Variants in STEAP3 observed in about 807,000 individuals in gnomAD.
The protein encoded by STEAP3 is STEAP3 metalloreductase.
STEAP3 carries 35 observed loss-of-function variants against 34.9 expected under a neutral mutation model. The observed-to-expected ratio is 1.00, with a 90% confidence interval of 0.76 to 1.33. The LOEUF is 1.33. Among genes scored for constraint, STEAP3 ranks in the 40% most tolerant of loss-of-function variants. STEAP3 has a pLI of 0.00. For synonymous variants in STEAP3, 281 were observed against 301.6 expected (o/e 0.93, Z 0.71); for missense variants, 652 against 667.6 (o/e 0.98, Z 0.26).
intron 3 of STEAP3, 190 bp downstream of exon 3, chr2:119,246,178 T>C: frequency 2.4e-6 from 2 of 816,954 alleles, no homozygotes; most frequent in Non-Finnish European, 3.7e-6. Context: ...CCATAGCTGG[T>C]AAGTTGGGAT....
intron 5 of STEAP3, among the ~76,000 whole-genome samples, chr2:119,255,886 T>C (rs561999962): frequency 6.6e-6 from 1 of 152,298 alleles, no homozygotes; most frequent in East Asian, 1.9e-4. Flanking sequence ...TGTGATGCAA[T>C]AGAGAACAAG....
chr2:119,236,575 C>T (rs1573545405), intron 2 of STEAP3, among the ~76,000 whole-genome samples: 2 of 152,184 alleles, frequency 1.3e-5, no homozygotes, highest in Admixed American at 6.5e-5. Context: ...ATTGTGGCTT[C>T]AGCTGTGTTA....
intron 1 of STEAP3, among the ~76,000 whole-genome samples, chr2:119,226,714 C>A (rs1679051797): frequency 6.6e-6 from 1 of 152,156 alleles, no homozygotes; most frequent in Non-Finnish European, 1.5e-5. Context: ...TCTTTGTGCT[C>A]CAACCGTCAC....
chr2:119,241,063 C>T (rs971796716), intron 2 of STEAP3, among the ~76,000 whole-genome samples: 2 of 145,794 alleles, frequency 1.4e-5, no homozygotes, highest in East Asian at 1.9e-4. Flanking sequence ...GAATAGGACA[C>T]GTGCACACAC....
At chr2:119,224,229 C>T (rs1370640396) in intron 1 of STEAP3, among the ~76,000 whole-genome samples, 1 of 152,208 alleles carries the variant, frequency 6.6e-6, no homozygotes, top group Non-Finnish European at 1.5e-5. Context: ...TCCACAGGTC[C>T]CGTGTGCCCC....
chr2:119,248,011 G>C lies in STEAP3; in HGVS notation c.855G>C (p.Val285=). Residue 285 remains valine (V), a synonymous_variant, in exon 4 of 6, where the codon GTG becomes GTC. Transcript: ENST00000393110. The part of the protein sequence containing the change: ...VLLSLVYLPG[V]LAAALQLRRG... ...TGTCACTCGTGTACTTGCCCGGCGT[G>C]CTGGCGGCTGCCCTGCAGCTGCGGC... 6.2e-7 allele frequency: 1 copy of C among 1,610,950 alleles called. No individual in the cohort carries two copies. The highest frequency in any genetic ancestry group is 8.5e-7 in the Non-Finnish European group (1 of 1,179,892).
intron 1 of STEAP3, among the ~76,000 whole-genome samples, chr2:119,227,920 C>T (rs925517257): frequency 2.0e-5 from 3 of 152,100 alleles, no homozygotes; most frequent in Non-Finnish European, 2.9e-5. Flanking sequence ...ACCTCTGCCT[C>T]CCGATTTCAA....
At position 119,245,721 on chromosome 2, in the gene STEAP3, T is replaced by C; in HGVS notation, c.255T>C (p.Thr85=). 6.2e-7 allele frequency: 1 copy of C among 1,614,202 alleles called. No homozygotes were observed. The highest frequency in any genetic ancestry group is 8.5e-7 in the Non-Finnish European group (1 of 1,180,036). ...ARLFPSAAQV[T]FQEEAVSSPE... is the part of the protein sequence containing the mutation. Reference sequence around the variant, plus strand: ...TGTTTCCCTCAGCGGCCCAAGTGACTTTCCAAGAGGAGGCAGTGAGCTCCC... The same window carrying C: ...TGTTTCCCTCAGCGGCCCAAGTGACCTTCCAAGAGGAGGCAGTGAGCTCCC... Residue 85 remains threonine, a synonymous_variant, in exon 3 of 6, where the codon ACT becomes ACC. Transcript: ENST00000393110.
chr2:119,261,192 C>G (rs140854079), intron 5 of STEAP3, among the ~76,000 whole-genome samples: 2 of 152,152 alleles, frequency 1.3e-5, no homozygotes, highest in Non-Finnish European at 2.9e-5. Flanking sequence ...GAACGGGGCC[C>G]AATGTGGAAT....
intron 2 of STEAP3, among the ~76,000 whole-genome samples, chr2:119,236,160 G>A (rs1677089278): frequency 6.6e-6 from 1 of 152,110 alleles, no homozygotes; most frequent in Non-Finnish European, 1.5e-5. Flanking sequence ...TATTGATTTG[G>A]GTGCATCTAT....
chr2:119,224,314 G>T (rs1678969259), intron 1 of STEAP3, among the ~76,000 whole-genome samples: 1 of 152,162 alleles, frequency 6.6e-6, no homozygotes, highest in Non-Finnish European at 1.5e-5. Flanking sequence ...GCTCTTCCTC[G>T]CCAGACCTCC....
At chr2:119,225,767 A>T (rs377721550) in intron 1 of STEAP3, among the ~76,000 whole-genome samples, 2 of 152,356 alleles carry the variant, frequency 1.3e-5, no homozygotes. Context: ...GACGAGTCCA[A>T]ATCTCAGCTC....
At chr2:119,255,239 T>C (rs1352779902) in intron 5 of STEAP3, among the ~76,000 whole-genome samples, 2 of 151,806 alleles carry the variant, frequency 1.3e-5, no homozygotes, top group Non-Finnish European at 2.9e-5. Flanking sequence ...TAGGTAGGAG[T>C]CTAGGGAGTG....
At chr2:119,247,550 C>CCA in intron 3 of STEAP3, 129 bp from the exon 4 acceptor site, 1 of 1,107,228 alleles carries the variant, frequency 9.0e-7, no homozygotes, top group Non-Finnish European at 1.2e-6. Context: ...CCCACCTGTA[C>CCA]CATTGACTGG....
chr2:119,257,069 G>T (rs1677794792), intron 5 of STEAP3, among the ~76,000 whole-genome samples: 1 of 152,164 alleles, frequency 6.6e-6, no homozygotes, highest in African/African-American at 2.4e-5. Context: ...GCCTAAAAGT[G>T]GTCCAGTCAG....
rs556466203 is a variant in STEAP3, at chr2:119,238,920, G to T, written c.23-6569G>T. On this transcript the variant is annotated intron_variant, in intron 2 of 5. Transcript: ENST00000393110. ...TGCCAGGCATGGTGTGGGGTTCTGG[G>T]TGCATGTGGAACAACACACAGCAAT... is the stretch of plus-strand genomic sequence containing the variant. Among the ~76,000 whole-genome samples the T allele has an allele frequency of 2.6e-5, 4 of 152,272 alleles. No individual in the cohort carries two copies. In the South Asian group the frequency reaches 8.3e-4, roughly 32 times the overall value.
chr2:119,263,215 G>C lies in STEAP3; in HGVS notation c.1374G>C (p.Leu458=). The C allele has an allele frequency of 6.2e-7, 1 of 1,614,150 alleles. No individual in the cohort carries two copies. The highest frequency in any genetic ancestry group is 8.5e-7 in the Non-Finnish European group (1 of 1,180,026). The change falls in exon 6 of 6, where the codon CTG becomes CTC. Residue 458 remains leucine, a synonymous_variant. Transcript: ENST00000393110. ...VPCVVILAKA[L]FLLPCISRRL... ...GCGTCGTCATCCTGGCCAAAGCCCT[G>C]TTTCTCCTGCCCTGCATCAGCCGCA...
intron 2 of STEAP3, among the ~76,000 whole-genome samples, chr2:119,235,417 A>G (rs577747809): frequency 2.3e-4 from 34 of 150,622 alleles, no homozygotes; most frequent in Admixed American, 6.0e-4. Context: ...AGACCCAGGG[A>G]AAAAAAAAGT....
chr2:119,246,229 T>C (rs951323968), intron 3 of STEAP3: 43 of 554,784 alleles, frequency 7.8e-5, no homozygotes, highest in African/African-American at 7.2e-4. Flanking sequence ...ATGTTCTTTC[T>C]GCTATGGTAA....
Sources: allele counts gnomAD v4.1 joint callset (sites outside exome capture counted in the v4.1 genomes callset), GRCh38; gene constraint gnomAD v4.1.1; transcripts MANE v1.5; gene names NCBI Gene and HGNC (gene_info 2026-07-23, HGNC 2026-07-21).